COMMD9: variants seen among roughly 807,000 people sequenced by gnomAD.
COMMD9 encodes COMM domain containing 9, also known as COMM domain-containing protein 9.
A neutral mutation model predicts 23.4 loss-of-function variants in COMMD9; 22 were observed. The observed-to-expected ratio is 0.94, with a 90% CI of 0.67 to 1.34. COMMD9 has a LOEUF of 1.34. Ranked by LOEUF, COMMD9 falls within the 40% of genes most tolerant of loss-of-function variation. The probability of loss-of-function intolerance (pLI) is 0.00; values close to 1 mark genes in which losing one functional copy is unlikely to be tolerated. For missense variants in COMMD9, 231 were observed against 240.2 expected (o/e 0.96, Z 0.25); for synonymous variants, 99 against 97.4 (o/e 1.02, Z -0.10).
rs116305051 is a variant in COMMD9 at position 36,276,183 on chromosome 11, T to A, written c.410A>T (p.Asp137Val). The change falls in exon 5 of 6, where the codon GAC (aspartate) becomes GTC (valine). Residue 137 changes from aspartate to valine, a missense_variant. Coordinates refer to ENST00000263401, the MANE Select transcript of COMMD9 (RefSeq NM_014186.4). ...GGGGACGGCCATGCGGCTGATGCTG[T>A]CTGAGGAGGTTTTGATATCCACTCT... ...DWRVDIKTSS[D>V]SISRMAVPTC... The A allele has an allele frequency of 2.6e-4, 417 of 1,614,160 alleles. 1 individual carries two copies. The African/African-American group carries it at 5.0e-3, about 20-fold the overall frequency.
chr11:36,277,611 T>A (rs977796358), intron 3 of COMMD9, among the ~76,000 whole-genome samples: 5 of 152,228 alleles, frequency 3.3e-5, no homozygotes, highest in African/African-American at 1.2e-4. Flanking sequence ...TATCAGTTAT[T>A]GCTATTAGAG....
In COMMD9 at chr11:36,272,333, C is replaced by T. The variant is rs1428785149; in HGVS notation, c.*2299G>A. On this transcript the variant is annotated 3_prime_UTR_variant, in exon 6 of 6. Transcript: ENST00000263401. ...TTTATTGACTTTTCCAGTTATTTATCAAATGCCCTCTGCGTCATGTACCCA... is the reference window on the plus strand; with the variant it reads ...TTTATTGACTTTTCCAGTTATTTATTAAATGCCCTCTGCGTCATGTACCCA... The T allele has an allele frequency of 6.2e-6, 1 of 160,088 alleles. No homozygotes were observed. Among genetic ancestry groups the T allele is most frequent in the Non-Finnish European group, 1.4e-5 (1 of 73,072 alleles). 9.9% of individuals were successfully genotyped at this position (160,088 alleles called of 1,614,324 possible).
intron 3 of COMMD9, among the ~76,000 whole-genome samples, chr11:36,277,865 C>T (rs1284674413): frequency 6.6e-6 from 1 of 152,112 alleles, no homozygotes; most frequent in Non-Finnish European, 1.5e-5. Flanking sequence ...TCAGTGAAGG[C>T]GTAGGGAGAG....
chr11:36,286,406 AAAAAAAAG>A (rs1565358651), intron 1 of COMMD9, among the ~76,000 whole-genome samples: 3 of 87,080 alleles, frequency 3.4e-5, no homozygotes, highest in African/African-American at 1.3e-4. Context: ...AAAAAAAAAA[AAAAAAAAG>A]AAAGAAAGAA....
intron 4 of COMMD9, 194 bp from the exon 5 acceptor site, chr11:36,276,434 C>CA: frequency 1.9e-6 from 1 of 531,166 alleles, no homozygotes; most frequent in Non-Finnish European, 3.4e-6. Flanking sequence ...GTGCTGCCTG[C>CA]ACTTGGTACT....
At chr11:36,276,947 A>C in intron 4 of COMMD9, 142 bp downstream of exon 4, 36 of 521,048 alleles carry the variant, frequency 6.9e-5, no homozygotes, top group East Asian at 2.4e-4. Flanking sequence ...GAATTAGGGA[A>C]AAAACCCACC....
chr11:36,288,988 T>C (rs770220149), intron 1 of COMMD9, among the ~76,000 whole-genome samples: 20 of 151,932 alleles, frequency 1.3e-4, no homozygotes, highest in Non-Finnish European at 2.6e-4. Context: ...GCAGACGCAG[T>C]AGGAGATAAT....
intron 3 of COMMD9, 136 bp from the exon 4 acceptor site, chr11:36,277,259 C>A (rs1855989333): frequency 2.0e-6 from 1 of 499,962 alleles, no homozygotes; most frequent in Non-Finnish European, 3.5e-6. Context: ...CCACAGAAAC[C>A]CCTCCCTCCA....
chr11:36,280,707 C>T lies in COMMD9; in HGVS notation c.177+5G>A, dbSNP rs759468512. The stretch of plus-strand genomic sequence containing the variant: ...TGGCCAAAGATCATTTCTGACCACA[C>T]TTACTTCCTCTGCCTCCTCCTGGGT... On this transcript the variant is annotated splice_donor_5th_base_variant and intron_variant, in intron 2 of 5. Coordinates refer to ENST00000263401, the MANE Select transcript of COMMD9 (RefSeq NM_014186.4). 22 of 1,589,564 alleles carry T rather than the reference C, an allele frequency of 1.4e-5. No individual in the cohort carries two copies. Among genetic ancestry groups the T allele is most frequent in the Non-Finnish European group, 2.6e-6 (3 of 1,168,596 alleles).
intron 1 of COMMD9, among the ~76,000 whole-genome samples, chr11:36,284,672 G>A (rs532871263): frequency 6.6e-6 from 1 of 152,336 alleles, no homozygotes; most frequent in African/African-American, 2.4e-5. Context: ...AATGAAGAGT[G>A]TGTTCTATGT....
intron 4 of COMMD9, 31 bp from the exon 5 acceptor site, chr11:36,276,271 A>G: frequency 6.7e-7 from 1 of 1,487,512 alleles, no homozygotes; most frequent in Non-Finnish European, 9.4e-7. Context: ...CTCAATGCTC[A>G]TGCCGCCCGT....
Position 36,272,641 on chromosome 11 carries a change from T to C in COMMD9, c.*1991A>G, listed in dbSNP as rs557996566. 10 of 152,322 alleles carry C rather than the reference T, an allele frequency of 6.6e-5. No individual in the cohort carries two copies. Among genetic ancestry groups the C allele is most frequent in the South Asian group, 4.1e-4 (2 of 4,820 alleles). The allele number at this position is 152,322 out of a possible 1,614,324, so 9.4% of individuals were successfully genotyped here. ...ACCTCTTGTCGTTGCATGCAAAAAATTGAATGTTCATTTCCTATAGCAGAT... is the reference window on the plus strand; with the variant it reads ...ACCTCTTGTCGTTGCATGCAAAAAACTGAATGTTCATTTCCTATAGCAGAT... On this transcript the variant is annotated 3_prime_UTR_variant, in exon 6 of 6. Coordinates refer to ENST00000263401, the MANE Select transcript of COMMD9 (RefSeq NM_014186.4).
At chr11:36,285,700 C>T (rs950465944) in intron 1 of COMMD9, among the ~76,000 whole-genome samples, 10 of 151,860 alleles carry the variant, frequency 6.6e-5, no homozygotes, top group African/African-American at 2.4e-4. Context: ...TATAATTATA[C>T]AATATGACCA....
chr11:36,275,200 C>G (rs1415576707), intron 5 of COMMD9, among the ~76,000 whole-genome samples: 1 of 152,228 alleles, frequency 6.6e-6, no homozygotes, highest in Non-Finnish European at 1.5e-5. Flanking sequence ...TTAAGCTTCA[C>G]TAATATTTAA....
intron 1 of COMMD9, among the ~76,000 whole-genome samples, chr11:36,288,496 G>T (rs1269465380): frequency 6.6e-6 from 1 of 152,144 alleles, no homozygotes; most frequent in Non-Finnish European, 1.5e-5. Flanking sequence ...TCTCCTACAG[G>T]GCAAATCATA....
chr11:36,283,369 T>C (rs1789562090), intron 1 of COMMD9, among the ~76,000 whole-genome samples: 1 of 152,192 alleles, frequency 6.6e-6, no homozygotes, highest in South Asian at 2.1e-4. Flanking sequence ...AAAAATATAA[T>C]ATATCTGATG....
chr11:36,274,819 A>G (rs1217625824), intron 5 of COMMD9, 47 bp from the exon 6 acceptor site: 5 of 1,609,436 alleles, frequency 3.1e-6, no homozygotes, highest in Admixed American at 1.7e-5. Context: ...CTCTTTTCCC[A>G]TATCCCTGTA....
At position 36,272,717 on chromosome 11, in the gene COMMD9, G is replaced by C. The variant is rs1301616591; in HGVS notation, c.*1915C>G. The C allele has an allele frequency of 2.0e-5, 3 of 152,172 alleles. No homozygotes were observed. The highest frequency in any genetic ancestry group is 2.9e-5 in the Non-Finnish European group (2 of 68,046). The allele number at this position is 152,172 out of a possible 1,614,324, so 9.4% of individuals were successfully genotyped here. A position where few individuals can be genotyped will look rare whatever the true frequency, so the allele number is the denominator to read the frequency against. On this transcript the variant is annotated 3_prime_UTR_variant, in exon 6 of 6. Coordinates refer to ENST00000263401, the MANE Select transcript of COMMD9 (RefSeq NM_014186.4). ...CCTTGACCTTCCTCGTATCTCACTGGGTAGGCAGACGTAAGATCTCTCATC... is the reference window on the plus strand; with the variant it reads ...CCTTGACCTTCCTCGTATCTCACTGCGTAGGCAGACGTAAGATCTCTCATC...
intron 3 of COMMD9, among the ~76,000 whole-genome samples, chr11:36,277,660 A>C (rs753648800): frequency 2.6e-5 from 4 of 152,212 alleles, no homozygotes; most frequent in African/African-American, 7.2e-5. Flanking sequence ...TAGTTAATCA[A>C]TTCTGCTTAA....
Sources: allele counts gnomAD v4.1 joint callset (sites outside exome capture counted in the v4.1 genomes callset), GRCh38; gene constraint gnomAD v4.1.1; transcripts MANE v1.5; gene names NCBI Gene and HGNC (gene_info 2026-07-23, HGNC 2026-07-21).